The following SLC5A4 variants were observed in gnomAD, a reference collection of about 807,000 sequenced individuals.
SLC5A4 encodes probable glucose sensor protein SLC5A4.
A neutral mutation model predicts 70.3 loss-of-function variants in SLC5A4; 55 were observed. That is an observed-to-expected ratio of 0.78 (90% CI 0.63 to 0.98). The LOEUF (loss-of-function observed/expected upper bound fraction) is 0.98, where lower values mean the gene tolerates loss of function less well. Ranked by LOEUF, SLC5A4 falls within the 50% of genes least tolerant of loss-of-function variation. SLC5A4 has a pLI of 0.00. For synonymous variants in SLC5A4, 268 were observed against 305.7 expected, an observed-to-expected ratio of 0.88 and a Z score of 1.29; for missense variants, 735 against 839.2, an observed-to-expected ratio of 0.88 and a Z score of 1.53.
chr22:32,329,028 G>T, the SLC5A4 span, among the ~76,000 whole-genome samples: 4 of 152,240 alleles, frequency 2.6e-5, no homozygotes, highest in Admixed American at 6.5e-5. Flanking sequence ...GCATGGCTCT[G>T]GGGGTTCCCT....
At chr22:32,301,905 A>C in the SLC5A4 span, among the ~76,000 whole-genome samples, 1 of 152,192 alleles carries the variant, frequency 6.6e-6, no homozygotes, top group Non-Finnish European at 1.5e-5. Context: ...CAGAACAATT[A>C]CAAATTGTAC....
chr22:32,349,027 C>A, the SLC5A4 span, among the ~76,000 whole-genome samples: 5 of 152,176 alleles, frequency 3.3e-5, no homozygotes, highest in Admixed American at 6.5e-5. Flanking sequence ...CCAGGCTGGA[C>A]TGCAGTGGTG....
At chr22:32,261,705 G>GT in the SLC5A4 span, among the ~76,000 whole-genome samples, 1 of 152,212 alleles carries the variant, frequency 6.6e-6, no homozygotes, top group Non-Finnish European at 1.5e-5. Context: ...GTGTTTGTTT[G>GT]TTTTTTAATG....
the SLC5A4 span, among the ~76,000 whole-genome samples, chr22:32,316,061 CG>C: frequency 7.0e-6 from 1 of 142,084 alleles, no homozygotes; most frequent in Admixed American, 7.5e-5. Context: ...CCCAGCTACT[CG>C]GGAGGCTGAA....
chr22:32,300,521 C>G, the SLC5A4 span, among the ~76,000 whole-genome samples: 2 of 151,514 alleles, frequency 1.3e-5, no homozygotes, highest in African/African-American at 4.9e-5. Context: ...CTTCGGCTCG[C>G]ACACGGTGCG....
the SLC5A4 span, among the ~76,000 whole-genome samples, chr22:32,326,465 G>A: frequency 6.6e-6 from 1 of 151,996 alleles, no homozygotes; most frequent in Non-Finnish European, 1.5e-5. Context: ...CTGTTGGTCA[G>A]GCTGGTCTCA....
At chr22:32,264,456 T>C in the SLC5A4 span, among the ~76,000 whole-genome samples, 1 of 151,974 alleles carries the variant, frequency 6.6e-6, no homozygotes, top group Non-Finnish European at 1.5e-5. Context: ...GTGCCTGTGG[T>C]CCCAGCTTCT....
the SLC5A4 span, among the ~76,000 whole-genome samples, chr22:32,322,232 GTCC>G: frequency 9.8e-4 from 149 of 152,262 alleles, 3 homozygotes; most frequent in African/African-American, 3.4e-3. Flanking sequence ...AGGGAAGCGC[GTCC>G]TCACCTGCCC....
chr22:32,321,181 G>C, the SLC5A4 span, among the ~76,000 whole-genome samples: 75 of 152,312 alleles, frequency 4.9e-4, no homozygotes, highest in African/African-American at 1.4e-3. Flanking sequence ...AGCTACTCAG[G>C]AGGCTGAGGC....
intron 6 of SLC5A4, 54 bp downstream of exon 6, chr22:32,238,931 G>T: frequency 2.5e-6 from 3 of 1,187,886 alleles, no homozygotes; most frequent in South Asian, 1.2e-5. Context: ...ATTGCAGGTT[G>T]GGGTGGGATC....
chr22:32,338,275 G>A, the SLC5A4 span, among the ~76,000 whole-genome samples: 2 of 152,134 alleles, frequency 1.3e-5, no homozygotes, highest in African/African-American at 2.4e-5. Flanking sequence ...CTGTCCTGGG[G>A]GTGGAGTAAA....
At chr22:32,238,608 C>T (rs1375766347) in intron 6 of SLC5A4, among the ~76,000 whole-genome samples, 1 of 152,152 alleles carries the variant, frequency 6.6e-6, no homozygotes, top group Non-Finnish European at 1.5e-5. Context: ...GCCCTGGCAT[C>T]CTGTGTTCAT....
chr22:32,341,589 G>A, the SLC5A4 span, among the ~76,000 whole-genome samples: 3 of 152,206 alleles, frequency 2.0e-5, no homozygotes, highest in South Asian at 2.1e-4. Context: ...CAACAGAGCC[G>A]TGAACAGCGG....
At chr22:32,313,965 A>G in the SLC5A4 span, among the ~76,000 whole-genome samples, 1 of 152,230 alleles carries the variant, frequency 6.6e-6, no homozygotes, top group African/African-American at 2.4e-5. Flanking sequence ...CTTTACTTGC[A>G]TAAATTGCAA....
In SLC5A4 at chr22:32,225,744, G is replaced by A. The variant is rs202121869; in HGVS notation, c.1360C>T (p.His454Tyr). The A allele has an allele frequency of 2.3e-5, 37 of 1,611,552 alleles. No individual in the cohort carries two copies. In the African/African-American group the frequency reaches 4.4e-4, roughly 19 times the overall value. Reference protein sequence around the residue: ...VQVSQNGQLIHYTESISSYLG... With the variant: ...VQVSQNGQLIYYTESISSYLG... ...TAGCTAGAAATTGATTCTGTGTAAT[G>A]GATTAGTTGTCCATTTTGAGAAACT... is the stretch of plus-strand genomic sequence containing the variant. Residue 454 changes from histidine (H) to tyrosine (Y), a missense_variant, in exon 12 of 15, where the codon CAT (histidine) becomes TAT (tyrosine). By Grantham distance (83) the His-to-Tyr change is moderately conservative (BLOSUM62 2). Coordinates refer to ENST00000266086, the MANE Select transcript of SLC5A4 (RefSeq NM_014227.3).
chr22:32,306,809 G>A, the SLC5A4 span, among the ~76,000 whole-genome samples: 1 of 152,188 alleles, frequency 6.6e-6, no homozygotes, highest in Non-Finnish European at 1.5e-5. Flanking sequence ...TGACCGCTTG[G>A]TTATTTGACT....
At chr22:32,258,560 G>A (rs1435094243), upstream of SLC5A4, among the ~76,000 whole-genome samples, 1 of 152,052 alleles carries the variant, frequency 6.6e-6, no homozygotes, top group Non-Finnish European at 1.5e-5. Context: ...TGTCAGGATA[G>A]CTATTATAAA....
chr22:32,317,963 T>C, the SLC5A4 span, among the ~76,000 whole-genome samples: 1 of 152,184 alleles, frequency 6.6e-6, no homozygotes, highest in African/African-American at 2.4e-5. Context: ...AATTTGCCCT[T>C]GTCAAGGTCA....
chr22:32,274,714 T>C, the SLC5A4 span, among the ~76,000 whole-genome samples: 3 of 152,194 alleles, frequency 2.0e-5, no homozygotes, highest in African/African-American at 4.8e-5. Context: ...ATAGAACATG[T>C]GCTGCGATTA....
Sources: allele counts gnomAD v4.1 joint callset (sites outside exome capture counted in the v4.1 genomes callset), GRCh38; gene constraint gnomAD v4.1.1; transcripts MANE v1.5; gene names NCBI Gene and HGNC (gene_info 2026-07-23, HGNC 2026-07-21).